Variants in ARF1 observed in about 807,000 individuals in gnomAD.
The protein encoded by ARF1 is ADP-ribosylation factor 1.
ARF1 carries 1 observed loss-of-function variant against 18.0 expected under a neutral mutation model. The ratio of observed to expected loss-of-function variants is 0.06; its 90% CI spans 0.02 to 0.26. ARF1 has a LOEUF of 0.26. ARF1 is among the 10% of genes least tolerant of loss of function. The pLI, the probability that ARF1 is intolerant of heterozygous loss-of-function variation, is 1.00. For synonymous variants in ARF1, 112 were observed against 96.3 expected (o/e 1.16, Z -0.95); for missense variants, 73 against 247.2 (o/e 0.30, Z 4.73).
intron 1 of ARF1, among the ~76,000 whole-genome samples, chr1:228,085,176 A>G (rs937351090): frequency 5.9e-5 from 9 of 152,210 alleles, no homozygotes; most frequent in African/African-American, 2.2e-4. Flanking sequence ...ATTGGCGTGG[A>G]TGGTTGGTAG....
At position 228,097,510 on chromosome 1, in the gene ARF1, C is replaced by G; in HGVS notation, c.259+58C>G. ...CCTGCTTCTAGAGAGGGGGGGCCAG[C>G]CCATAGATGGGGCATCGATGCCCAT... On this transcript the variant is annotated intron_variant, in intron 3 of 4. Coordinates refer to ENST00000272102, the MANE Select transcript of ARF1 (RefSeq NM_001658.4). The surrounding 1 kb of genome is among the most constrained non-coding windows in gnomAD (Gnocchi z 8.1). The G allele has an allele frequency of 6.2e-7, 1 of 1,613,710 alleles. No homozygotes were observed. Among genetic ancestry groups the G allele is most frequent in the Admixed American group, 1.7e-5 (1 of 60,018 alleles).
rs532064037 is a variant in ARF1 at position 228,091,396 on chromosome 1, G to C, written c.-37-5682G>C. Among the ~76,000 whole-genome samples, 3 of 152,280 alleles carry C rather than the reference G, an allele frequency of 2.0e-5. No homozygotes were observed. The South Asian group carries it at 6.2e-4, about 32-fold the overall frequency. ...CTCCTAATGGCTGTGGGGTCACTGT[G>C]TCGAGTTGTAATGCCTAATGAGCTC... On this transcript the variant is annotated intron_variant, in intron 1 of 4. Coordinates refer to ENST00000272102, the MANE Select transcript of ARF1 (RefSeq NM_001658.4).
In ARF1 at chr1:228,089,699, C is replaced by A. The variant is rs2032515959; in HGVS notation, c.-38+6934C>A. On this transcript the variant is annotated intron_variant, in intron 1 of 4. Coordinates refer to ENST00000272102, the MANE Select transcript of ARF1 (RefSeq NM_001658.4). This position sits in a 1 kb window ranked among gnomAD's most constrained non-coding sequence, Gnocchi z 4.1. ...AGTGGTTGGAGGAAGGAGCAACTTG[C>A]TCTCCCAGTTTATGACAGCAACACC... Among the ~76,000 whole-genome samples, 1 of 152,096 alleles carries A rather than the reference C, an allele frequency of 6.6e-6. No homozygotes were observed.
intron 1 of ARF1, among the ~76,000 whole-genome samples, chr1:228,093,548 G>T (rs1174798120): frequency 6.6e-6 from 1 of 151,438 alleles, no homozygotes; most frequent in Non-Finnish European, 1.5e-5. Context: ...GAGACTTCAG[G>T]TTCACCCATC....
chr1:228,087,115 C>T (rs1393867794), intron 1 of ARF1, among the ~76,000 whole-genome samples: 1 of 152,224 alleles, frequency 6.6e-6, no homozygotes, highest in Non-Finnish European at 1.5e-5. Context: ...ATAGTTTTTA[C>T]TCCCTGAAGG....
intron 1 of ARF1, among the ~76,000 whole-genome samples, chr1:228,086,154 C>G (rs1344866033): frequency 6.6e-6 from 1 of 152,194 alleles, no homozygotes; most frequent in African/African-American, 2.4e-5. Context: ...TTAACAGCAT[C>G]TACAGCCCCG....
rs529769042 is a variant in ARF1 at position 228,090,304 on chromosome 1, T to TAGGAGTTGGGGTTCTGGTC, written c.-37-6771_-37-6753dup. The stretch of plus-strand genomic sequence containing the variant: ...TGATCCAGGGCATTGGGACCTCACC[T>TAGGAGTTGGGGTTCTGGTC]AGGAGTTGGGGTTCTGGTCAGAAGC... On this transcript the variant is annotated intron_variant, in intron 1 of 4. Coordinates refer to ENST00000272102, the MANE Select transcript of ARF1 (RefSeq NM_001658.4). Among the ~76,000 whole-genome samples the TAGGAGTTGGGGTTCTGGTC allele has an allele frequency of 2.1e-3, 317 of 152,264 alleles. 2 individuals are homozygous for TAGGAGTTGGGGTTCTGGTC. The highest frequency in any genetic ancestry group is 0.015 in the East Asian group (77 of 5,152).
chr1:228,094,609 T>G (rs1194877544), intron 1 of ARF1, among the ~76,000 whole-genome samples: 1 of 151,948 alleles, frequency 6.6e-6, no homozygotes, highest in Non-Finnish European at 1.5e-5. Flanking sequence ...AGGCTGCTGC[T>G]CTCTCTCCAT....
Position 228,098,434 on chromosome 1 carries a change from A to G in ARF1, c.*421A>G, listed in dbSNP as rs977620615. 1 of 155,164 alleles carries G rather than the reference A, an allele frequency of 6.4e-6. No individual in the cohort carries two copies. The highest frequency in any genetic ancestry group is 2.4e-5 in the African/African-American group (1 of 41,526). 9.6% of individuals were successfully genotyped at this position (155,164 alleles called of 1,614,324 possible). A position where few individuals can be genotyped will look rare whatever the true frequency, so the allele number is the denominator to read the frequency against. On this transcript the variant is annotated 3_prime_UTR_variant, in exon 5 of 5. Transcript: ENST00000272102. Reference sequence around the variant, plus strand: ...ACTCAGTGCATTTTTTAAAATAGTTAAGAATCCAAGTCGAGAACACTTGAA... The same window carrying G: ...ACTCAGTGCATTTTTTAAAATAGTTGAGAATCCAAGTCGAGAACACTTGAA...
intron 1 of ARF1, among the ~76,000 whole-genome samples, chr1:228,085,774 C>T (rs1370983769): frequency 6.6e-6 from 1 of 152,232 alleles, no homozygotes; most frequent in Non-Finnish European, 1.5e-5. Context: ...GCCCAGGGCT[C>T]ACTGCTGGTG....
intron 1 of ARF1, among the ~76,000 whole-genome samples, chr1:228,086,244 A>G (rs1024775359): frequency 2.6e-5 from 4 of 152,200 alleles, no homozygotes; most frequent in Admixed American, 2.6e-4. Flanking sequence ...GGCTGGGCGT[A>G]GTGCCTCACG....
chr1:228,097,595 G>C lies in ARF1; in HGVS notation c.264G>C (p.Leu88=). Residue 88 remains leucine (L), a synonymous_variant, in exon 4 of 5, where the codon CTG becomes CTC. Coordinates refer to ENST00000272102, the MANE Select transcript of ARF1 (RefSeq NM_001658.4). This position sits in a 1 kb window ranked among gnomAD's most constrained non-coding sequence, Gnocchi z 8.1. ...WRHYFQNTQG[L]IFVVDSNDRE... is the part of the protein sequence containing the mutation. Reference sequence around the variant, plus strand: ...TTGACACTGGCTGCCCGGCAGGCCTGATCTTCGTGGTGGACAGCAATGACA... The same window carrying C: ...TTGACACTGGCTGCCCGGCAGGCCTCATCTTCGTGGTGGACAGCAATGACA... 6.2e-7 allele frequency: 1 copy of C among 1,614,202 alleles called. No individual in the cohort carries two copies. The highest frequency in any genetic ancestry group is 2.2e-5 in the East Asian group (1 of 44,882).
chr1:228,098,015 C>T lies in ARF1; in HGVS notation c.*2C>T, dbSNP rs546805625. The stretch of plus-strand genomic sequence containing the variant: ...AATCAGCTCCGGAACCAGAAGTGAA[C>T]GCGACCCCCCTCCCTCTCACTCCTC... On this transcript the variant is annotated 3_prime_UTR_variant, in exon 5 of 5. Coordinates refer to ENST00000272102, the MANE Select transcript of ARF1 (RefSeq NM_001658.4). The T allele has an allele frequency of 9.3e-6, 15 of 1,608,610 alleles. No homozygotes were observed. In the Admixed American group the frequency reaches 1.3e-4, roughly 14 times the overall value.
At chr1:228,088,369 A>G (rs377623082) in intron 1 of ARF1, 19 of 151,960 alleles carry the variant, frequency 1.3e-4, no homozygotes, top group East Asian at 5.8e-4. Flanking sequence ...TGGCCCTCGG[A>G]GGGGGTCCGC....
At chr1:228,084,594 T>C (rs1454620280) in intron 1 of ARF1, among the ~76,000 whole-genome samples, 1 of 152,246 alleles carries the variant, frequency 6.6e-6, no homozygotes, top group African/African-American at 2.4e-5. Flanking sequence ...AGCTATGGGC[T>C]GTACCTCTTG....
At chr1:228,094,770 G>C in intron 1 of ARF1, among the ~76,000 whole-genome samples, 1 of 152,320 alleles carries the variant, frequency 6.6e-6, no homozygotes, top group East Asian at 1.9e-4. Context: ...CCTAACACTT[G>C]TTGGATACTT....
intron 1 of ARF1, among the ~76,000 whole-genome samples, chr1:228,091,562 A>T (rs2124849414): frequency 6.6e-6 from 1 of 152,272 alleles, no homozygotes; most frequent in African/African-American, 2.4e-5. Context: ...AGTCTCTTCA[A>T]CATGATTGGG....
intron 1 of ARF1, among the ~76,000 whole-genome samples, chr1:228,087,900 G>A (rs867190932): frequency 5.3e-5 from 8 of 152,158 alleles, no homozygotes; most frequent in African/African-American, 1.7e-4. Flanking sequence ...TTTTCGTGAC[G>A]AACTTAATTT....
At chr1:228,092,957 AC>A (rs1395634423) in intron 1 of ARF1, among the ~76,000 whole-genome samples, 3 of 152,160 alleles carry the variant, frequency 2.0e-5, no homozygotes, top group African/African-American at 7.2e-5. Context: ...CCTGAAGGCC[AC>A]CTTTACCATT....
Sources: allele counts gnomAD v4.1 joint callset (sites outside exome capture counted in the v4.1 genomes callset), GRCh38; gene constraint gnomAD v4.1.1; non-coding constraint Gnocchi (gnomAD v3.1); transcripts MANE v1.5; gene names NCBI Gene and HGNC (gene_info 2026-07-23, HGNC 2026-07-21).